Variants in RET observed in about 807,000 individuals in gnomAD.
RET encodes the protein ret proto-oncogene.
RET carries 19 observed loss-of-function variants against 118.3 expected under a neutral mutation model. That is an observed-to-expected ratio of 0.16 (90% confidence interval 0.11 to 0.24). RET has a LOEUF of 0.24. Ranked by LOEUF, RET falls within the 10% of genes least tolerant of loss-of-function variation. The pLI is 1.00. For missense variants in RET, 1,219 were observed against 1,502.1 expected (o/e 0.81, Z 3.12); for synonymous variants, 597 against 644.1 (o/e 0.93, Z 1.11).
At chr10:43,118,287 C>T (rs749377866) in intron 12 of RET, 86 bp from the exon 13 acceptor site, 63 of 1,032,684 alleles carry the variant, frequency 6.1e-5, no homozygotes, top group South Asian at 3.6e-4. Context: ...TTGGGCAAGG[C>T]GATGCAGGTC....
chr10:43,108,700 A>C (rs1864405), intron 5 of RET, among the ~76,000 whole-genome samples: 119,346 of 152,130 alleles, frequency 0.78, 47,841 homozygotes, highest in African/African-American at 0.95. Context: ...ACACCACACA[A>C]ATGCATACTA....
In RET at chr10:43,128,762, G is replaced by A. The variant is rs1427705241; in HGVS notation, c.*493G>A. 1 of 290,830 alleles carries A rather than the reference G, an allele frequency of 3.4e-6. No homozygotes were observed. The allele number at this position is 290,830 out of a possible 1,614,324, so 18.0% of individuals were successfully genotyped here. On this transcript the variant is annotated 3_prime_UTR_variant, in exon 20 of 20. Transcript: ENST00000355710. ...TCCTTATTCAGAATGAGAGACTGCG[G>A]GGGGGGCCTGGGGGTAGTGTCAATG... is the stretch of plus-strand genomic sequence containing the variant.
In RET at chr10:43,106,846, G is replaced by A. The variant is rs1189459868; in HGVS notation, c.1063+275G>A. ...CACACCCCCCTGCTGACCTCACCAGGGCTCACCACCGACTGCAAACACACA... is the reference window on the plus strand; with the variant it reads ...CACACCCCCCTGCTGACCTCACCAGAGCTCACCACCGACTGCAAACACACA... On this transcript the variant is annotated intron_variant, in intron 5 of 19. Transcript: ENST00000355710. The surrounding 1 kb of genome is among the most constrained non-coding windows in gnomAD (Gnocchi z 5.1). 1.3e-5 allele frequency among the ~76,000 whole-genome samples: 2 copies of A among 152,120 alleles called. No homozygotes were observed. The highest frequency in any genetic ancestry group is 4.8e-5 in the African/African-American group (2 of 41,400).
chr10:43,122,966 C>T (rs1015195208), intron 16 of RET, among the ~76,000 whole-genome samples: 2 of 152,078 alleles, frequency 1.3e-5, no homozygotes, highest in South Asian at 4.1e-4. Context: ...AACAGCTTTC[C>T]GATTATATAA....
In RET at chr10:43,077,312, G is replaced by A. The variant is rs1228754711; in HGVS notation, c.54G>A (p.Leu18=). The A allele has an allele frequency of 6.6e-7, 1 of 1,511,548 alleles. No homozygotes were observed. 93.6% of individuals were successfully genotyped at this position (1,511,548 alleles called of 1,614,324 possible). A position where few individuals can be genotyped will look rare whatever the true frequency, so the allele number is the denominator to read the frequency against. ...GGCTGCGTCTGCTGTTGCTGCTGCT[G>A]CTGCCGCTGCTAGGCAAAGGTGAGT... ...AAGLRLLLLL[L]LPLLGKVALG... is the part of the protein sequence containing the mutation. The change falls in exon 1 of 20, where the codon CTG becomes CTA. Residue 18 remains leucine, a synonymous_variant. Transcript: ENST00000355710.
In RET at chr10:43,116,613, G is replaced by T. The variant is rs527726480; in HGVS notation, c.2166G>T (p.Lys722Asn). ...LEDPKWEFPR[K>N]NLVLGKTLGE... ...ATCCAAAGTGGGAATTCCCTCGGAA[G>T]AACTTGGTTCTTGGAAAAACTCTAG... Residue 722 changes from lysine to asparagine, a missense_variant, in exon 12 of 20, where the codon AAG becomes AAT. By Grantham distance (94) the Lys-to-Asn change is moderately conservative. Around this residue, in one of 5 missense-constraint regions of RET, gnomAD observed 850 missense variants for 969.6 expected, o/e 0.88. Coordinates refer to ENST00000355710, the MANE Select transcript of RET (RefSeq NM_020975.6). 24 of 1,614,192 alleles carry T rather than the reference G, an allele frequency of 1.5e-5. No homozygotes were observed. The Admixed American group carries it at 1.5e-4, about 10-fold the overall frequency.
chr10:43,100,415 G>A (rs2132655422), intron 1 of RET, 44 bp from the exon 2 acceptor site: 1 of 1,581,436 alleles, frequency 6.3e-7, no homozygotes, highest in South Asian at 1.1e-5. Context: ...CCTTGAAGAA[G>A]CCTTATTCTC....
intron 1 of RET, among the ~76,000 whole-genome samples, chr10:43,079,903 A>G (rs1837141686): frequency 6.6e-6 from 1 of 152,094 alleles, no homozygotes; most frequent in Admixed American, 6.5e-5. Flanking sequence ...AGGCTTCACC[A>G]GGTTCACCTG....
intron 5 of RET, among the ~76,000 whole-genome samples, chr10:43,107,686 A>G (rs767330500): frequency 8.5e-5 from 13 of 152,216 alleles, no homozygotes; most frequent in Non-Finnish European, 1.8e-4. Context: ...GCCTGGAGAA[A>G]ACACAAACCC....
intron 1 of RET, 53 bp from the exon 2 acceptor site, chr10:43,100,402 TGTCC>T: frequency 1.3e-6 from 2 of 1,540,320 alleles, no homozygotes; most frequent in South Asian, 1.1e-5. Flanking sequence ...TTTTTTTTTT[TGTCC>T]TTGAAGAAGC....
At chr10:43,125,096 T>C (rs1838302371) in intron 18 of RET, 114 bp downstream of exon 18, 1 of 963,874 alleles carries the variant, frequency 1.0e-6, no homozygotes, top group Non-Finnish European at 1.6e-6. Context: ...CACAGTGGGA[T>C]TGTGCAGAGA....
Position 43,114,518 on chromosome 10 carries a change from G to T in RET, c.1918G>T (p.Ala640Ser). 6.2e-7 allele frequency: 1 copy of T among 1,609,254 alleles called. No homozygotes were observed. The change falls in exon 11 of 20, where the codon GCC (alanine) becomes TCC (serine). Residue 640 changes from alanine (A) to serine (S), a missense_variant. Ala to Ser is a moderately conservative substitution (Grantham distance 99, BLOSUM62 1). Around this residue, in one of 5 missense-constraint regions of RET, gnomAD observed 850 missense variants for 969.6 expected, o/e 0.88. Coordinates refer to ENST00000355710, the MANE Select transcript of RET (RefSeq NM_020975.6). The surrounding 1 kb of genome is among the most constrained non-coding windows in gnomAD (Gnocchi z 4.6). ...CDELCRTVIA[A>S]AVLFSFIVSV... Reference sequence around the variant, plus strand: ...CGAGCTGTGCCGCACGGTGATCGCAGCCGCTGTCCTCTTCTCCTTCATCGT... The same window carrying T: ...CGAGCTGTGCCGCACGGTGATCGCATCCGCTGTCCTCTTCTCCTTCATCGT...
rs1322327734 is a variant in RET at position 43,112,833 on chromosome 10, C to A, written c.1649-20C>A. On this transcript the variant is annotated intron_variant, in intron 8 of 19. Coordinates refer to ENST00000355710, the MANE Select transcript of RET (RefSeq NM_020975.6). ...GCGGGGCTCCCACATGGGTGACAGC[C>A]TGCTGTGTGTCCTGTGCAGGGATCA... 1 of 1,603,914 alleles carries A rather than the reference C, an allele frequency of 6.2e-7. No homozygotes were observed. Among genetic ancestry groups the A allele is most frequent in the Non-Finnish European group, 8.5e-7 (1 of 1,171,440 alleles).
chr10:43,087,318 C>T (rs1837310786), intron 1 of RET, among the ~76,000 whole-genome samples: 1 of 152,230 alleles, frequency 6.6e-6, no homozygotes, highest in South Asian at 2.1e-4. Flanking sequence ...CTGCACTCCA[C>T]ACCGGGTCTC....
chr10:43,077,342 C>T lies in RET; in HGVS notation c.73+11C>T, dbSNP rs1476726971. On this transcript the variant is annotated intron_variant, in intron 1 of 19. Coordinates refer to ENST00000355710, the MANE Select transcript of RET (RefSeq NM_020975.6). ...CGCTGCTAGGCAAAGGTGAGTTCTG[C>T]CGGCCGCCGGCTCCCGCAGGGGCCA... is the stretch of plus-strand genomic sequence containing the variant. 3 of 1,505,864 alleles carry T rather than the reference C, an allele frequency of 2.0e-6. No homozygotes were observed. Among genetic ancestry groups the T allele is most frequent in the Non-Finnish European group, 2.6e-6 (3 of 1,132,658 alleles). The allele number at this position is 1,505,864 out of a possible 1,614,324, so 93.3% of individuals were successfully genotyped here. A position where few individuals can be genotyped will look rare whatever the true frequency, so the allele number is the denominator to read the frequency against.
At chr10:43,112,327 G>A in intron 8 of RET, 103 bp downstream of exon 8, 2 of 1,506,416 alleles carry the variant, frequency 1.3e-6, no homozygotes, top group Non-Finnish European at 1.8e-6. Flanking sequence ...CCTGCTCCAG[G>A]TCTGCTTCTG....
Position 43,077,181 on chromosome 10 carries a change from C to G in RET, c.-78C>G. ...CCCGGGCGGGGATGGGGCGGCCAGA[C>G]TGAGCGCCGCACCCGCCATCCAGAC... is the stretch of plus-strand genomic sequence containing the variant. On this transcript the variant is annotated 5_prime_UTR_variant, in exon 1 of 20. Transcript: ENST00000355710. 1 of 1,380,606 alleles carries G rather than the reference C, an allele frequency of 7.2e-7. No individual in the cohort carries two copies. Among genetic ancestry groups the G allele is most frequent in the Non-Finnish European group, 9.4e-7 (1 of 1,066,000 alleles). The allele number at this position is 1,380,606 out of a possible 1,614,324, so 85.5% of individuals were successfully genotyped here. A position where few individuals can be genotyped will look rare whatever the true frequency, so the allele number is the denominator to read the frequency against.
At chr10:43,081,060 G>T (rs1837169334) in intron 1 of RET, among the ~76,000 whole-genome samples, 1 of 152,146 alleles carries the variant, frequency 6.6e-6, no homozygotes, top group Admixed American at 6.5e-5. Context: ...AGGACAGCCT[G>T]GGAGAAGAAA....
In RET at chr10:43,113,653, C is replaced by T. The variant is rs377767401; in HGVS notation, c.1857C>T (p.Phe619=). The part of the protein sequence containing the change: ...CNCFPEEEKC[F]CEPEDIQDPL... ...GCTTCCCTGAGGAGGAGAAGTGCTT[C>T]TGCGAGCCCGAAGACATCCAGGGTG... The change falls in exon 10 of 20, where the codon TTC becomes TTT. Residue 619 remains phenylalanine, a synonymous_variant. Coordinates refer to ENST00000355710, the MANE Select transcript of RET (RefSeq NM_020975.6). The T allele has an allele frequency of 6.2e-7, 1 of 1,613,382 alleles. No individual in the cohort carries two copies. Among genetic ancestry groups the T allele is most frequent in the Non-Finnish European group, 8.5e-7 (1 of 1,179,874 alleles).
Sources: allele counts gnomAD v4.1 joint callset (sites outside exome capture counted in the v4.1 genomes callset), GRCh38; gene constraint gnomAD v4.1.1; regional missense constraint gnomAD v4.1.1; non-coding constraint Gnocchi (gnomAD v3.1); transcripts MANE v1.5; gene names NCBI Gene and HGNC (gene_info 2026-07-23, HGNC 2026-07-21).